The following ADGRV1 variants were observed in gnomAD, a reference collection of about 807,000 sequenced individuals.
ADGRV1 encodes adhesion G protein-coupled receptor V1, also known as G-protein coupled receptor 98.
Under a neutral mutation model 596.2 loss-of-function variants are expected in ADGRV1, and 359 were observed. The ratio of observed to expected loss-of-function variants is 0.60; its 90% CI spans 0.55 to 0.66. The LOEUF is 0.66. Ranked by LOEUF, ADGRV1 falls within the 30% of genes least tolerant of loss-of-function variation. The probability of loss-of-function intolerance (pLI) is 0.00; values close to 1 mark genes in which losing one functional copy is unlikely to be tolerated. For synonymous variants in ADGRV1, 2,681 were observed against 2,679.2 expected (o/e 1.00, Z -0.02); for missense variants, 7,274 against 7,575.6 (o/e 0.96, Z 1.48).
intron 85 of ADGRV1, among the ~76,000 whole-genome samples, chr5:91,052,296 T>TAA (rs562888315): frequency 2.9e-5 from 4 of 137,656 alleles, no homozygotes; most frequent in Non-Finnish European, 1.6e-5. Context: ...ACATTTCTTC[T>TAA]AAAAAAAAAA....
At position 90,819,113 on chromosome 5, in the gene ADGRV1, G is replaced by T. The variant is rs964781027; in HGVS notation, c.16196+3377G>T. On this transcript the variant is annotated intron_variant, in intron 75 of 89. Coordinates refer to ENST00000405460, the MANE Select transcript of ADGRV1 (RefSeq NM_032119.4). ...TCAGCTCCTGTTATTGGTCTATTCA[G>T]AGATTCAACTTCTTTGTGGTTTAGT... is the stretch of plus-strand genomic sequence containing the variant. 8.0e-3 allele frequency among the ~76,000 whole-genome samples: 1,225 copies of T among 152,210 alleles called. 16 individuals carry two copies. The highest frequency in any genetic ancestry group is 0.028 in the African/African-American group (1,171 of 41,500).
chr5:90,661,990 G>A (rs1005398075), intron 21 of ADGRV1, among the ~76,000 whole-genome samples: 12 of 152,014 alleles, frequency 7.9e-5, no homozygotes, highest in Admixed American at 7.2e-4. Flanking sequence ...CCTGACTCAG[G>A]ACCCCATTCC....
intron 86 of ADGRV1, among the ~76,000 whole-genome samples, chr5:91,080,271 C>T (rs1311325174): frequency 6.6e-6 from 1 of 152,074 alleles, no homozygotes; most frequent in African/African-American, 2.4e-5. Context: ...TGCTATCAAA[C>T]ATTTTATCTC....
Position 91,126,617 on chromosome 5 carries a change from A to G in ADGRV1, c.18433-23413A>G, listed in dbSNP as rs1046249078. Among the ~76,000 whole-genome samples, 4 of 152,194 alleles carry G rather than the reference A, an allele frequency of 2.6e-5. No individual in the cohort carries two copies. The South Asian group carries it at 6.2e-4, about 24-fold the overall frequency. On this transcript the variant is annotated intron_variant, in intron 87 of 89. Transcript: ENST00000405460. ...AAATCACCAAGTTTACTGGAAGTGCATATTTTTCATGTGCCAAATTCAGTA... is the reference window on the plus strand; with the variant it reads ...AAATCACCAAGTTTACTGGAAGTGCGTATTTTTCATGTGCCAAATTCAGTA...
chr5:90,671,281 T>C (rs1030492353), intron 21 of ADGRV1, among the ~76,000 whole-genome samples: 1 of 152,186 alleles, frequency 6.6e-6, no homozygotes, highest in Non-Finnish European at 1.5e-5. Flanking sequence ...TGAATTTGTT[T>C]CCTACTTTAG....
At chr5:91,051,895 A>G (rs1786369308) in intron 85 of ADGRV1, among the ~76,000 whole-genome samples, 1 of 152,172 alleles carries the variant, frequency 6.6e-6, no homozygotes, top group South Asian at 2.1e-4. Context: ...GTCATTAACA[A>G]TTCACCTTAT....
intron 26 of ADGRV1, 115 bp from the exon 27 acceptor site, chr5:90,681,200 T>G: frequency 9.3e-7 from 1 of 1,075,484 alleles, no homozygotes; most frequent in Non-Finnish European, 1.3e-6. Flanking sequence ...CAAATTAGAA[T>G]GTACTCAATG....
At position 90,755,197 on chromosome 5, in the gene ADGRV1, C is replaced by T. The variant is rs1347634376; in HGVS notation, c.11580+12C>T. 1.3e-6 allele frequency: 2 copies of T among 1,576,520 alleles called. No individual in the cohort carries two copies. Among genetic ancestry groups the T allele is most frequent in the Non-Finnish European group, 1.7e-6 (2 of 1,162,642 alleles). Reference sequence around the variant, plus strand: ...TTTCCATTTTGCCGGTAAGTCAAGGCTGCAAAGAATGTGATCTAAAATAGA... The same window carrying T: ...TTTCCATTTTGCCGGTAAGTCAAGGTTGCAAAGAATGTGATCTAAAATAGA... On this transcript the variant is annotated intron_variant, in intron 55 of 89. Transcript: ENST00000405460.
At chr5:90,671,200 C>T (rs1467916450) in intron 21 of ADGRV1, among the ~76,000 whole-genome samples, 3 of 152,194 alleles carry the variant, frequency 2.0e-5, no homozygotes, top group Non-Finnish European at 4.4e-5. Context: ...AACTAGAATG[C>T]AGAGGCTCAG....
intron 85 of ADGRV1, among the ~76,000 whole-genome samples, chr5:90,995,193 ATCAC>A (rs1441010958): frequency 1.3e-5 from 2 of 152,212 alleles, no homozygotes; most frequent in Non-Finnish European, 2.9e-5. Context: ...ATGATGTTAA[ATCAC>A]TTGCTTTTAG....
chr5:90,992,468 G>A (rs1186600067), intron 85 of ADGRV1, among the ~76,000 whole-genome samples: 3 of 152,144 alleles, frequency 2.0e-5, no homozygotes, highest in African/African-American at 4.8e-5. Flanking sequence ...TCCTGGATCC[G>A]CTTTGCACAG....
intron 83 of ADGRV1, among the ~76,000 whole-genome samples, chr5:90,963,370 G>GA (rs1270247337): frequency 6.6e-6 from 1 of 152,014 alleles, no homozygotes; most frequent in Non-Finnish European, 1.5e-5. Flanking sequence ...ATAAAGGTCA[G>GA]AATAAATGGT....
intron 83 of ADGRV1, among the ~76,000 whole-genome samples, chr5:90,941,751 G>C (rs1045436964): frequency 6.6e-6 from 1 of 152,174 alleles, no homozygotes; most frequent in Non-Finnish European, 1.5e-5. Flanking sequence ...CCACAGCTAA[G>C]TTAGGCGTGT....
rs1260861487 is a variant in ADGRV1 at position 90,628,543 on chromosome 5, T to G, written c.1239-19T>G. On this transcript the variant is annotated intron_variant, in intron 7 of 89. Transcript: ENST00000405460. ...AAGTGTACTATGTGACAATATGTAT[T>G]TCTTTTAAAACATTTAAGATATGAA... 5.0e-6 allele frequency: 8 copies of G among 1,606,026 alleles called. No individual in the cohort carries two copies. The highest frequency in any genetic ancestry group is 1.3e-5 in the African/African-American group (1 of 74,770).
chr5:90,595,979 C>T (rs1168503927), intron 1 of ADGRV1, among the ~76,000 whole-genome samples: 2 of 150,700 alleles, frequency 1.3e-5, no homozygotes, highest in East Asian at 2.0e-4. Context: ...CGGAGAGGCT[C>T]CTCACTTTTC....
At chr5:90,756,357 A>C (rs561440137) in intron 55 of ADGRV1, 97 bp from the exon 56 acceptor site, 5 of 805,754 alleles carry the variant, frequency 6.2e-6, no homozygotes, top group Non-Finnish European at 9.7e-6. Context: ...CCTGTGAACA[A>C]AGTCAATTAT....
chr5:90,562,833 T>G (rs1217739347), intron 1 of ADGRV1, among the ~76,000 whole-genome samples: 1 of 152,244 alleles, frequency 6.6e-6, no homozygotes, highest in Non-Finnish European at 1.5e-5. Flanking sequence ...TAGCTCTTTC[T>G]GTATGCATTC....
At chr5:91,070,719 T>G (rs771145718) in intron 85 of ADGRV1, among the ~76,000 whole-genome samples, 2 of 152,186 alleles carry the variant, frequency 1.3e-5, no homozygotes, top group Non-Finnish European at 2.9e-5. Context: ...ATTACCAAAA[T>G]AAATAAATAA....
intron 83 of ADGRV1, among the ~76,000 whole-genome samples, chr5:90,881,822 A>G (rs958713585): frequency 6.6e-6 from 1 of 152,068 alleles, no homozygotes; most frequent in Non-Finnish European, 1.5e-5. Flanking sequence ...ATTCCTGGGC[A>G]GTCAAGCGAT....
Sources: allele counts gnomAD v4.1 joint callset (sites outside exome capture counted in the v4.1 genomes callset), GRCh38; gene constraint gnomAD v4.1.1; transcripts MANE v1.5; gene names NCBI Gene and HGNC (gene_info 2026-07-23, HGNC 2026-07-21).